The following HSPA12A variants were observed in gnomAD, a reference collection of about 807,000 sequenced individuals.
HSPA12A encodes the protein heat shock protein family A (Hsp70) member 12A, also known as heat shock 70 kDa protein 12A.
A neutral mutation model predicts 69.2 loss-of-function variants in HSPA12A; 28 were observed. The ratio of observed to expected loss-of-function variants is 0.40; its 90% CI spans 0.30 to 0.55. HSPA12A has a LOEUF of 0.55. Ranked by LOEUF, HSPA12A falls within the 20% of genes least tolerant of loss-of-function variation. HSPA12A has a pLI of 0.38. For missense variants in HSPA12A, 686 were observed against 900.7 expected, an observed-to-expected ratio of 0.76 and a Z score of 3.05; for synonymous variants, 345 against 370.5, an observed-to-expected ratio of 0.93 and a Z score of 0.79.
chr10:116,770,550 T>C (rs1474628842), intron 2 of HSPA12A, among the ~76,000 whole-genome samples: 5 of 151,868 alleles, frequency 3.3e-5, no homozygotes, highest in South Asian at 2.1e-4. Flanking sequence ...CGGCAGGAAA[T>C]GGACCCATGA....
chr10:116,692,437 C>T lies in HSPA12A; in HGVS notation c.577G>A (p.Glu193Lys), dbSNP rs376851854. 1.2e-5 allele frequency: 20 copies of T among 1,613,954 alleles called. No homozygotes were observed. Among genetic ancestry groups the T allele is most frequent in the South Asian group, 8.8e-5 (8 of 91,054 alleles). ...ATGACCCATCTGACATCAGAGTTCT[C>T]GAACTCCGAACCCGCCTGGTCACTC... ...ELSDQAGSEF[E>K]NSDVRWVITV... The change falls in exon 6 of 12, where the codon GAG (glutamate) becomes AAG (lysine). Residue 193 changes from glutamate (E) to lysine (K), a missense_variant. Glu to Lys is a moderately conservative substitution (Grantham distance 56). Transcript: ENST00000369209.
Position 116,686,546 on chromosome 10 carries a change from A to G in HSPA12A, c.664-2584T>C, listed in dbSNP as rs2132924334. On this transcript the variant is annotated intron_variant, in intron 6 of 11. Transcript: ENST00000369209. This position sits in a 1 kb window ranked among gnomAD's most constrained non-coding sequence, Gnocchi z 4.1. ...CCAAGGAGTTGGTGTGAAGGAAGAA[A>G]GGCAAAGACCCAGACGCTACATTAC... Among the ~76,000 whole-genome samples the G allele has an allele frequency of 6.6e-6, 1 of 152,332 alleles. No homozygotes were observed. Among genetic ancestry groups the G allele is most frequent in the East Asian group, 1.9e-4 (1 of 5,182 alleles).
rs1849098822 is a variant in HSPA12A, at chr10:116,672,056, C to G, written c.*2725G>C. On this transcript the variant is annotated 3_prime_UTR_variant, in exon 12 of 12. Coordinates refer to ENST00000369209, the MANE Select transcript of HSPA12A (RefSeq NM_025015.3). ...TTTCTATCTGCTCATTTAAGAGAAA[C>G]AGTACACAGGGAGATAGCATTAATG... 1 of 152,160 alleles carries G rather than the reference C, an allele frequency of 6.6e-6. No individual in the cohort carries two copies. Among genetic ancestry groups the G allele is most frequent in the Non-Finnish European group, 1.5e-5 (1 of 68,050 alleles). The allele number at this position is 152,160 out of a possible 1,614,324, so 9.4% of individuals were successfully genotyped here.
intron 2 of HSPA12A, among the ~76,000 whole-genome samples, chr10:116,807,613 C>T (rs145905119): frequency 6.6e-6 from 1 of 152,236 alleles, no homozygotes; most frequent in East Asian, 1.9e-4. Context: ...ACTAGGTCAG[C>T]GGGTCGTCCC....
chr10:116,788,430 C>G (rs1844627823), intron 2 of HSPA12A, among the ~76,000 whole-genome samples: 1 of 152,248 alleles, frequency 6.6e-6, no homozygotes, highest in Non-Finnish European at 1.5e-5. Flanking sequence ...CCAACTAACT[C>G]TTCTCCCAAA....
intron 2 of HSPA12A, among the ~76,000 whole-genome samples, chr10:116,818,244 C>A (rs1029041449): frequency 5.3e-5 from 8 of 152,236 alleles, no homozygotes; most frequent in African/African-American, 1.9e-4. Context: ...AATCAGGGAC[C>A]TACGAGCCTT....
chr10:116,775,454 G>A (rs1844314174), intron 2 of HSPA12A, among the ~76,000 whole-genome samples: 1 of 152,166 alleles, frequency 6.6e-6, no homozygotes, highest in Admixed American at 6.5e-5. Context: ...CTCTGTAGCT[G>A]GAAATGGCCA....
chr10:116,805,522 G>T (rs781232341), intron 2 of HSPA12A, among the ~76,000 whole-genome samples: 10 of 152,030 alleles, frequency 6.6e-5, no homozygotes, highest in Non-Finnish European at 1.2e-4. Flanking sequence ...AATCACAACA[G>T]ATTTCAAGGG....
Position 116,683,937 on chromosome 10 carries a change from G to C in HSPA12A, c.689C>G (p.Ser230Trp), listed in dbSNP as rs371819716. ...CTCCAAGGCAATGATGAGCTGCTCCGAGTTCTCGGGGGAGGCCAGGCCTGC... is the reference window on the plus strand; with the variant it reads ...CTCCAAGGCAATGATGAGCTGCTCCCAGTTCTCGGGGGAGGCCAGGCCTGC... ...YQAGLASPEN[S>W]EQLIIALEPE... The change falls in exon 7 of 12, where the codon TCG becomes TGG. Residue 230 changes from serine (S) to tryptophan (W), a missense_variant. Physicochemically the swap from Ser to Trp is radical, Grantham distance 177. Coordinates refer to ENST00000369209, the MANE Select transcript of HSPA12A (RefSeq NM_025015.3). 3.8e-6 allele frequency: 6 copies of C among 1,581,104 alleles called. No individual in the cohort carries two copies. Among genetic ancestry groups the C allele is most frequent in the Non-Finnish European group, 5.2e-6 (6 of 1,155,856 alleles).
chr10:116,850,390 C>CA (rs1353105032), upstream of HSPA12A, among the ~76,000 whole-genome samples: 4 of 152,100 alleles, frequency 2.6e-5, no homozygotes, highest in African/African-American at 9.7e-5. Context: ...CTGCTGGGCT[C>CA]AGAAGCCTTG....
upstream of HSPA12A, among the ~76,000 whole-genome samples, chr10:116,744,868 G>T (rs1554887699): frequency 6.6e-6 from 1 of 152,176 alleles, no homozygotes; most frequent in East Asian, 1.9e-4. Flanking sequence ...GCCACATCAA[G>T]GAAGGGTTCC....
intron 2 of HSPA12A, among the ~76,000 whole-genome samples, chr10:116,747,827 C>A (rs1203064412): frequency 6.6e-6 from 1 of 151,632 alleles, no homozygotes; most frequent in African/African-American, 2.4e-5. Flanking sequence ...GGTGAAACCC[C>A]GTCTCTACTA....
upstream of HSPA12A, among the ~76,000 whole-genome samples, chr10:116,743,569 A>G (rs1009148583): frequency 2.0e-5 from 3 of 152,176 alleles, no homozygotes; most frequent in African/African-American, 7.2e-5. Context: ...TGAGTCGCGG[A>G]GCTGGGATTC....
chr10:116,817,557 ACAC>A (rs896779151), intron 2 of HSPA12A, among the ~76,000 whole-genome samples: 6 of 152,042 alleles, frequency 3.9e-5, no homozygotes, highest in Non-Finnish European at 8.8e-5. Flanking sequence ...ATTCATACCT[ACAC>A]ATAATGATCT....
In HSPA12A at chr10:116,686,089, C is replaced by A. The variant is rs1301204989; in HGVS notation, c.664-2127G>T. On this transcript the variant is annotated intron_variant, in intron 6 of 11. Coordinates refer to ENST00000369209, the MANE Select transcript of HSPA12A (RefSeq NM_025015.3). This position sits in a 1 kb window ranked among gnomAD's most constrained non-coding sequence, Gnocchi z 4.1. Reference sequence around the variant, plus strand: ...GGTGCATGACAGGATTTCCCACTGCCCCCTATTCAAGCAAGTAAAAGTCCC... The same window carrying A: ...GGTGCATGACAGGATTTCCCACTGCACCCTATTCAAGCAAGTAAAAGTCCC... Among the ~76,000 whole-genome samples the A allele has an allele frequency of 6.6e-6, 1 of 152,088 alleles. No individual in the cohort carries two copies. Among genetic ancestry groups the A allele is most frequent in the Non-Finnish European group, 1.5e-5 (1 of 68,034 alleles).
chr10:116,782,185 T>C (rs1461368408), intron 2 of HSPA12A, among the ~76,000 whole-genome samples: 1 of 152,184 alleles, frequency 6.6e-6, no homozygotes, highest in African/African-American at 2.4e-5. Context: ...AGATGAGATT[T>C]TGTGCTCACT....
intron 2 of HSPA12A, among the ~76,000 whole-genome samples, chr10:116,787,405 T>C (rs911395191): frequency 2.9e-5 from 4 of 136,062 alleles, no homozygotes; most frequent in African/African-American, 1.1e-4. Flanking sequence ...AAATCAAGCA[T>C]GTCACATCCA....
chr10:116,679,659 G>T lies in HSPA12A; in HGVS notation c.1130C>A (p.Ala377Glu). ...FIEQFKIKRP[A>E]AWVDLMIAFE... The stretch of plus-strand genomic sequence containing the variant: ...CGCAATCATTAAGTCAACCCAGGCT[G>T]CAGGGCGTTTGATTTTGAATTGTTC... Residue 377 changes from alanine (A) to glutamate (E), a missense_variant, in exon 10 of 12, where the codon GCA becomes GAA. Coordinates refer to ENST00000369209, the MANE Select transcript of HSPA12A (RefSeq NM_025015.3). 1 of 1,614,250 alleles carries T rather than the reference G, an allele frequency of 6.2e-7. No individual in the cohort carries two copies. Among genetic ancestry groups the T allele is most frequent in the East Asian group, 2.2e-5 (1 of 44,888 alleles).
chr10:116,792,636 A>AAAAAAAAAAAAAG (rs1844725548), intron 2 of HSPA12A, among the ~76,000 whole-genome samples: 1 of 116,148 alleles, frequency 8.6e-6, no homozygotes, highest in South Asian at 2.9e-4. Context: ...AAAAAAAAAA[A>AAAAAAAAAAAAAG]ATTAGCCAGG....
Sources: gnomAD v4.1 joint callset for allele counts (sites outside exome capture counted in the v4.1 genomes callset) on GRCh38, gnomAD v4.1.1 for gene constraint, Gnocchi (gnomAD v3.1) non-coding constraint, MANE v1.5 for transcripts, NCBI Gene and HGNC (gene_info 2026-07-23, HGNC 2026-07-21) for gene names.